SNCAIP: variants seen among roughly 807,000 people sequenced by gnomAD.
SNCAIP encodes the protein synphilin-1.
SNCAIP carries 43 observed loss-of-function variants against 86.7 expected under a neutral mutation model. The observed-to-expected ratio is 0.50, with a 90% confidence interval of 0.39 to 0.64. The LOEUF is 0.64. Among genes scored for constraint, SNCAIP ranks in the 30% least tolerant of loss-of-function variants. The pLI, the probability that SNCAIP is intolerant of heterozygous loss-of-function variation, is 0.00. For synonymous variants in SNCAIP, 417 were observed against 427.2 expected (o/e 0.98, Z 0.29); for missense variants, 981 against 1,103.1 (o/e 0.89, Z 1.57).
intron 6 of SNCAIP, among the ~76,000 whole-genome samples, chr5:122,434,908 G>A (rs1414048041): frequency 6.6e-6 from 1 of 152,142 alleles, no homozygotes; most frequent in Non-Finnish European, 1.5e-5. Flanking sequence ...TTCAGTAAAT[G>A]CCCCTGGAAA....
chr5:122,453,042 T>C (rs1421521544), intron 10 of SNCAIP: 1 of 1,220,094 alleles, frequency 8.2e-7, no homozygotes, highest in Non-Finnish European at 1.2e-6. Context: ...CATGCTTTGC[T>C]TTGAATTGCA....
chr5:122,450,594 T>C lies in SNCAIP; in HGVS notation c.1747T>C (p.Ser583Pro). The C allele has an allele frequency of 6.2e-7, 1 of 1,614,172 alleles. No homozygotes were observed. The highest frequency in any genetic ancestry group is 8.5e-7 in the Non-Finnish European group (1 of 1,180,014). ...GAAATCTCCAGATGCAGATGATGATTCTGTAGCCAAAAGCAAGCCAGGAGT... is the reference window on the plus strand; with the variant it reads ...GAAATCTCCAGATGCAGATGATGATCCTGTAGCCAAAAGCAAGCCAGGAGT... The part of the protein sequence containing the change: ...QWKSPDADDD[S>P]VAKSKPGVQE... Residue 583 changes from serine (S) to proline (P), a missense_variant, in exon 10 of 11, where the codon TCT (serine) becomes CCT (proline). By Grantham distance (74) the Ser-to-Pro change is moderately conservative. Coordinates refer to ENST00000261368, the MANE Select transcript of SNCAIP (RefSeq NM_005460.4).
intron 6 of SNCAIP, among the ~76,000 whole-genome samples, chr5:122,433,010 A>C (rs1462572558): frequency 6.6e-6 from 1 of 152,114 alleles, no homozygotes; most frequent in Non-Finnish European, 1.5e-5. Context: ...TTCAAGTAAG[A>C]CAATCTCAAG....
chr5:122,376,567 C>G (rs1467941804), intron 1 of SNCAIP, among the ~76,000 whole-genome samples: 1 of 152,042 alleles, frequency 6.6e-6, no homozygotes, highest in Admixed American at 6.6e-5. Flanking sequence ...TTCTTTGGAC[C>G]TCATTAGGTC....
chr5:122,357,573 A>G (rs968931879), intron 1 of SNCAIP, among the ~76,000 whole-genome samples: 1 of 150,152 alleles, frequency 6.7e-6, no homozygotes, highest in South Asian at 2.1e-4. Flanking sequence ...GACCCACCGT[A>G]TTTAAAAGGA....
chr5:122,397,425 T>C (rs1432737609), intron 2 of SNCAIP, among the ~76,000 whole-genome samples: 2 of 152,180 alleles, frequency 1.3e-5, no homozygotes, highest in Non-Finnish European at 2.9e-5. Flanking sequence ...AATAGAGTAG[T>C]TCCTGATGCA....
At chr5:122,362,993 ATTT>A (rs769726232) in intron 1 of SNCAIP, among the ~76,000 whole-genome samples, 3 of 113,938 alleles carry the variant, frequency 2.6e-5, no homozygotes, top group Non-Finnish European at 3.7e-5. Flanking sequence ...CATAAATTCT[ATTT>A]TTTTTTTTTT....
intron 1 of SNCAIP, among the ~76,000 whole-genome samples, chr5:122,372,572 C>A (rs957529633): frequency 3.9e-5 from 6 of 152,128 alleles, no homozygotes; most frequent in Admixed American, 3.9e-4. Flanking sequence ...TGAGTTCATG[C>A]CAGATTACTC....
chr5:122,311,664 A>C (rs1435779466), upstream of SNCAIP: 3 of 139,172 alleles, frequency 2.2e-5, no homozygotes, highest in South Asian at 2.5e-4. Flanking sequence ...CCAAGAAGCA[A>C]GGAAGGGGGT....
intron 1 of SNCAIP, among the ~76,000 whole-genome samples, chr5:122,325,814 A>G (rs1753898371): frequency 6.6e-6 from 1 of 152,156 alleles, no homozygotes; most frequent in Admixed American, 6.5e-5. Flanking sequence ...GAAGAAATCT[A>G]TTACCTTGCA....
chr5:122,398,150 A>G (rs1014281431), intron 2 of SNCAIP, among the ~76,000 whole-genome samples: 1 of 152,200 alleles, frequency 6.6e-6, no homozygotes, highest in Admixed American at 6.5e-5. Flanking sequence ...AGGAAGGCCC[A>G]TGCTCAGTCA....
intron 1 of SNCAIP, among the ~76,000 whole-genome samples, chr5:122,375,761 AAAGACCT>A (rs1454315896): frequency 1.3e-5 from 2 of 152,134 alleles, no homozygotes; most frequent in Non-Finnish European, 2.9e-5. Context: ...ATAAAAATAA[AAAGACCT>A]AAGACCCTCT....
chr5:122,333,965 G>T (rs1175097973), intron 1 of SNCAIP, among the ~76,000 whole-genome samples: 6 of 152,142 alleles, frequency 3.9e-5, no homozygotes, highest in Non-Finnish European at 8.8e-5. Context: ...GTAAAGATGG[G>T]GGAGATGGAG....
At chr5:122,332,923 C>T (rs893859125) in intron 1 of SNCAIP, among the ~76,000 whole-genome samples, 1 of 152,186 alleles carries the variant, frequency 6.6e-6, no homozygotes, top group African/African-American at 2.4e-5. Flanking sequence ...TCTGAGAACA[C>T]ACTAAGATGC....
chr5:122,446,499 T>C (rs961073517), intron 8 of SNCAIP, among the ~76,000 whole-genome samples: 2 of 152,230 alleles, frequency 1.3e-5, no homozygotes, highest in Non-Finnish European at 2.9e-5. Context: ...TTGGCTGCTT[T>C]CTCAGTTGGT....
chr5:122,404,224 C>A (rs952641539), intron 3 of SNCAIP, among the ~76,000 whole-genome samples: 1 of 152,116 alleles, frequency 6.6e-6, no homozygotes, highest in Non-Finnish European at 1.5e-5. Flanking sequence ...ATGTTGGATG[C>A]ATTTACTACC....
intron 1 of SNCAIP, among the ~76,000 whole-genome samples, chr5:122,314,229 G>T (rs765059114): frequency 1.3e-5 from 2 of 152,154 alleles, no homozygotes; most frequent in African/African-American, 4.8e-5. Context: ...CTGCTCTTAA[G>T]GGAAACCCAC....
At chr5:122,388,048 G>A (rs935886875) in intron 1 of SNCAIP, among the ~76,000 whole-genome samples, 5 of 152,170 alleles carry the variant, frequency 3.3e-5, no homozygotes, top group African/African-American at 1.2e-4. Flanking sequence ...TGTCCCCAAG[G>A]CATGTTGGTG....
intron 3 of SNCAIP, among the ~76,000 whole-genome samples, chr5:122,421,345 A>G (rs986303232): frequency 2.0e-5 from 3 of 152,234 alleles, no homozygotes; most frequent in African/African-American, 7.2e-5. Context: ...TATAGCATTC[A>G]GGCTCAGAGC....
Sources: allele counts gnomAD v4.1 joint callset (sites outside exome capture counted in the v4.1 genomes callset), GRCh38; gene constraint gnomAD v4.1.1; transcripts MANE v1.5; gene names NCBI Gene and HGNC (gene_info 2026-07-23, HGNC 2026-07-21).